CHMP5: variants seen among roughly 807,000 people sequenced by gnomAD.
CHMP5 encodes the protein SNF7 domain containing 2.
Under a neutral mutation model 33.0 loss-of-function variants are expected in CHMP5, and 17 were observed. The ratio of observed to expected loss-of-function variants is 0.52; its 90% CI spans 0.35 to 0.77. The LOEUF (loss-of-function observed/expected upper bound fraction) is 0.77, where lower values mean the gene tolerates loss of function less well. Among genes scored for constraint, CHMP5 ranks in the 30% least tolerant of loss-of-function variants. The probability of loss-of-function intolerance (pLI) is 0.01; values close to 1 mark genes in which losing one functional copy is unlikely to be tolerated. For missense variants in CHMP5, 216 were observed against 261.5 expected (o/e 0.83, Z 1.20); for synonymous variants, 76 against 90.2 (o/e 0.84, Z 0.89).
intron 5 of CHMP5, among the ~76,000 whole-genome samples, chr9:33,273,940 T>G (rs1435011712): frequency 4.6e-5 from 7 of 152,184 alleles, no homozygotes; most frequent in Non-Finnish European, 1.0e-4. Flanking sequence ...ACTCAGCCAG[T>G]GCTTCTCTGT....
Position 33,266,133 on chromosome 9 carries a change from G to T in CHMP5, c.174+19G>T. On this transcript the variant is annotated intron_variant, in intron 2 of 7. Coordinates refer to ENST00000223500, the MANE Select transcript of CHMP5 (RefSeq NM_016410.6). ...TGCAAAGGTAAGGTGGGCAGCAACTGCTGCACAAGGTGCTGGCAGAGCCTA... is the reference window on the plus strand; with the variant it reads ...TGCAAAGGTAAGGTGGGCAGCAACTTCTGCACAAGGTGCTGGCAGAGCCTA... 1 of 1,536,778 alleles carries T rather than the reference G, an allele frequency of 6.5e-7. No individual in the cohort carries two copies. The highest frequency in any genetic ancestry group is 9.0e-7 in the Non-Finnish European group (1 of 1,110,846).
At chr9:33,269,268 G>T (rs1482410777) in intron 3 of CHMP5, among the ~76,000 whole-genome samples, 1 of 152,210 alleles carries the variant, frequency 6.6e-6, no homozygotes, top group African/African-American at 2.4e-5. Context: ...ACTTTGGGAG[G>T]CCAAGACAGA....
rs906506442 is a variant in CHMP5, at chr9:33,265,101, C to T, written c.23C>T (p.Ala8Val). 5.0e-6 allele frequency: 8 copies of T among 1,614,076 alleles called. No individual in the cohort carries two copies. Among genetic ancestry groups the T allele is most frequent in the African/African-American group, 1.3e-5 (1 of 74,928 alleles). Residue 8 changes from alanine (A) to valine (V), a missense_variant, in exon 1 of 8, where the codon GCG becomes GTG. Transcript: ENST00000223500. MNRLFGK[A>V]KPKAPPPSLT... ...AAGATGAACCGACTCTTCGGGAAAG[C>T]GAAACCCAAGGCTCCGCCGCCCAGC... is the stretch of plus-strand genomic sequence containing the variant.
At chr9:33,278,546 G>C (rs1402757897) in intron 7 of CHMP5, among the ~76,000 whole-genome samples, 2 of 152,194 alleles carry the variant, frequency 1.3e-5, no homozygotes, top group Non-Finnish European at 2.9e-5. Flanking sequence ...ACACATGCAT[G>C]AGACTTGCTA....
At chr9:33,272,393 CAAA>C (rs10710870) in intron 5 of CHMP5, among the ~76,000 whole-genome samples, 118 of 125,010 alleles carry the variant, frequency 9.4e-4, no homozygotes, top group Non-Finnish European at 1.0e-3. Flanking sequence ...GGAGATAAAG[CAAA>C]AAAAAAAAAA....
intron 6 of CHMP5, among the ~76,000 whole-genome samples, chr9:33,277,602 C>CA (rs1421628190): frequency 1.3e-5 from 2 of 152,166 alleles, no homozygotes; most frequent in Non-Finnish European, 2.9e-5. Context: ...GTAGCAGAAA[C>CA]AGACAGAAGT....
At chr9:33,271,071 C>T (rs1820788275) in intron 4 of CHMP5, 81 bp from the exon 5 acceptor site, 1 of 1,155,330 alleles carries the variant, frequency 8.7e-7, no homozygotes, top group Non-Finnish European at 1.3e-6. Flanking sequence ...AACTCTGTCT[C>T]AAATAAATAA....
intron 5 of CHMP5, among the ~76,000 whole-genome samples, chr9:33,275,912 G>A (rs1293601482): frequency 6.6e-6 from 1 of 152,170 alleles, no homozygotes; most frequent in Non-Finnish European, 1.5e-5. Flanking sequence ...TGGAGGCTGA[G>A]GCAGGAGAAT....
intron 5 of CHMP5, 92 bp from the exon 6 acceptor site, chr9:33,276,364 T>G: frequency 2.9e-6 from 2 of 682,654 alleles, no homozygotes; most frequent in Non-Finnish European, 5.1e-6. Flanking sequence ...TAAAAATTGC[T>G]CATGTCTAGA....
chr9:33,267,924 C>T (rs1820746934), intron 3 of CHMP5, 25 bp downstream of exon 3: 1 of 1,557,864 alleles, frequency 6.4e-7, no homozygotes, highest in Non-Finnish European at 8.9e-7. Context: ...CAATTTCTAC[C>T]TCTAGCAGGT....
In CHMP5 at chr9:33,265,075, C is replaced by T; in HGVS notation, c.-4C>T. On this transcript the variant is annotated 5_prime_UTR_variant, in exon 1 of 8. Transcript: ENST00000223500. ...GTGTTTGGGTTTCTTCGCGGCTGCTCAAGATGAACCGACTCTTCGGGAAAG... is the reference window on the plus strand; with the variant it reads ...GTGTTTGGGTTTCTTCGCGGCTGCTTAAGATGAACCGACTCTTCGGGAAAG... The T allele has an allele frequency of 1.9e-6, 3 of 1,614,220 alleles. No individual in the cohort carries two copies. Among genetic ancestry groups the T allele is most frequent in the Non-Finnish European group, 2.5e-6 (3 of 1,180,034 alleles).
chr9:33,267,674 A>C (rs1331589588), intron 2 of CHMP5, among the ~76,000 whole-genome samples, 179 bp from the exon 3 acceptor site: 1 of 152,202 alleles, frequency 6.6e-6, no homozygotes, highest in Non-Finnish European at 1.5e-5. Flanking sequence ...GCAAAGGCTT[A>C]AAGACTGGAC....
chr9:33,271,461 A>G (rs1011823546), intron 5 of CHMP5, among the ~76,000 whole-genome samples: 1 of 152,210 alleles, frequency 6.6e-6, no homozygotes, highest in African/African-American at 2.4e-5. Context: ...ACGATTTTTC[A>G]GTTTGATGAT....
chr9:33,279,162 T>C (rs1353460472), intron 7 of CHMP5, among the ~76,000 whole-genome samples: 3 of 152,136 alleles, frequency 2.0e-5, no homozygotes, highest in African/African-American at 7.2e-5. Context: ...TGGTCTCAGG[T>C]GATCTGCCTG....
chr9:33,277,182 C>A (rs1206968268), intron 6 of CHMP5, among the ~76,000 whole-genome samples: 6 of 135,808 alleles, frequency 4.4e-5, no homozygotes, highest in African/African-American at 1.5e-4. Context: ...CAGAGTGAGA[C>A]CTTCTCTCAA....
intron 6 of CHMP5, 110 bp downstream of exon 6, chr9:33,276,674 G>T: frequency 3.0e-6 from 2 of 662,508 alleles, no homozygotes; most frequent in Non-Finnish European, 5.4e-6. Context: ...TTTCCTGAAG[G>T]TTAGTTTATG....
At chr9:33,276,407 A>T (rs745902945) in intron 5 of CHMP5, 49 bp from the exon 6 acceptor site, 25 of 1,077,498 alleles carry the variant, frequency 2.3e-5, no homozygotes, top group Non-Finnish European at 3.4e-5. Flanking sequence ...AAGGGTAGTT[A>T]AAAGAAAATG....
At chr9:33,278,554 C>G (rs1032066090) in intron 7 of CHMP5, among the ~76,000 whole-genome samples, 26 of 152,134 alleles carry the variant, frequency 1.7e-4, no homozygotes, top group Non-Finnish European at 3.1e-4. Flanking sequence ...ATGAGACTTG[C>G]TAGGCAGCAG....
chr9:33,280,778 A>G (rs529642587), intron 7 of CHMP5, 31 bp from the exon 8 acceptor site: 12 of 1,558,542 alleles, frequency 7.7e-6, no homozygotes, highest in South Asian at 4.7e-5. Flanking sequence ...ATAGAAAAAT[A>G]GTGGCACTAA....
Sources: gnomAD v4.1 joint callset for allele counts (sites outside exome capture counted in the v4.1 genomes callset) on GRCh38, gnomAD v4.1.1 for gene constraint, MANE v1.5 for transcripts, NCBI Gene and HGNC (gene_info 2026-07-23, HGNC 2026-07-21) for gene names.